The following SENP2 variants were observed in gnomAD, a reference collection of about 807,000 sequenced individuals.
The protein encoded by SENP2 is sentrin-specific protease 2.
Under a neutral mutation model 86.3 loss-of-function variants are expected in SENP2, and 16 were observed. The observed-to-expected ratio is 0.19, with a 90% confidence interval of 0.13 to 0.28. The LOEUF is 0.28. SENP2 is among the 10% of genes least tolerant of loss of function. The pLI, the probability that SENP2 is intolerant of heterozygous loss-of-function variation, is 1.00. For missense variants in SENP2, 552 were observed against 703.0 expected (o/e 0.79, Z 2.43); for synonymous variants, 222 against 238.7 (o/e 0.93, Z 0.64).
chr3:185,633,211 A>C lies in SENP2; in HGVS notation c.*3367A>C, dbSNP rs1420087910. 1 of 152,268 alleles carries C rather than the reference A, an allele frequency of 6.6e-6. No individual in the cohort carries two copies. Among genetic ancestry groups the C allele is most frequent in the Non-Finnish European group, 1.5e-5 (1 of 68,054 alleles). 9.4% of individuals were successfully genotyped at this position (152,268 alleles called of 1,614,324 possible). A position where few individuals can be genotyped will look rare whatever the true frequency, so the allele number is the denominator to read the frequency against. ...GGGCGGAATGTATCCTAGTAGAAAC[A>C]GTGAACCTCAGATATGAATAAATAA... is the stretch of plus-strand genomic sequence containing the variant. On this transcript the variant is annotated 3_prime_UTR_variant, in exon 17 of 17. Transcript: ENST00000296257.
intron 9 of SENP2, 39 bp downstream of exon 9, chr3:185,612,697 T>C (rs1161816097): frequency 2.1e-6 from 3 of 1,401,096 alleles, no homozygotes; most frequent in South Asian, 2.4e-5. Flanking sequence ...TCTTTTAATA[T>C]ATATTTTCTT....
intron 16 of SENP2, among the ~76,000 whole-genome samples, chr3:185,629,256 T>C (rs959177550): frequency 1.3e-5 from 2 of 152,170 alleles, no homozygotes; most frequent in Non-Finnish European, 2.9e-5. Flanking sequence ...ACATCCTGCT[T>C]TGGTTTTCCT....
At position 185,632,539 on chromosome 3, in the gene SENP2, T is replaced by G. The variant is rs1217945906; in HGVS notation, c.*2695T>G. ...CATGAGCCACCTCACCCAGCCTGTT[T>G]TTGAGACGGAGTTTCACTTTTGTCG... On this transcript the variant is annotated 3_prime_UTR_variant, in exon 17 of 17. Transcript: ENST00000296257. The G allele has an allele frequency of 2.1e-5, 3 of 143,820 alleles. No homozygotes were observed. The highest frequency in any genetic ancestry group is 4.5e-5 in the Non-Finnish European group (3 of 66,826). The allele number at this position is 143,820 out of a possible 1,614,324, so 8.9% of individuals were successfully genotyped here. A position where few individuals can be genotyped will look rare whatever the true frequency, so the allele number is the denominator to read the frequency against.
chr3:185,590,901 C>CTTTTTTT (rs1158491597), intron 2 of SENP2, among the ~76,000 whole-genome samples: 1 of 94,178 alleles, frequency 1.1e-5, no homozygotes, highest in East Asian at 3.9e-4. Flanking sequence ...AGAAAGTCTC[C>CTTTTTTT]TTTTTTTTTT....
Position 185,600,785 on chromosome 3 carries a change from A to G in SENP2, c.379A>G (p.Ile127Val). Residue 127 changes from isoleucine (I) to valine (V), a missense_variant, in exon 5 of 17, where the codon ATA becomes GTA. Physicochemically the swap from Ile to Val is conservative, Grantham distance 29. This residue lies in a region of SENP2 where 383 missense variants were observed against 427.3 expected (regional missense o/e 0.90). Transcript: ENST00000296257. ...LKLGNKSPNG[I>V]SDYPKIRVTV... ...AATAGGTAATAAATCTCCTAATGGA[A>G]TAAGTGACTATCCAAAGATCAGAGT... is the stretch of plus-strand genomic sequence containing the variant. 1 of 1,607,030 alleles carries G rather than the reference A, an allele frequency of 6.2e-7. No individual in the cohort carries two copies. The highest frequency in any genetic ancestry group is 1.3e-5 in the African/African-American group (1 of 74,910).
At chr3:185,604,993 A>T (rs1268546462) in intron 5 of SENP2, among the ~76,000 whole-genome samples, 2 of 149,058 alleles carry the variant, frequency 1.3e-5, no homozygotes, top group African/African-American at 4.9e-5. Flanking sequence ...TGACCTCGTG[A>T]TCCACCCGCC....
intron 2 of SENP2, among the ~76,000 whole-genome samples, chr3:185,590,577 T>G (rs1721945670): frequency 6.8e-6 from 1 of 146,654 alleles, no homozygotes; most frequent in Non-Finnish European, 1.5e-5. Flanking sequence ...AACTTAAGTC[T>G]CTTTCCTGGC....
At chr3:185,620,066 A>C (rs2034343) in intron 13 of SENP2, among the ~76,000 whole-genome samples, 3 of 143,262 alleles carry the variant, frequency 2.1e-5, no homozygotes, top group African/African-American at 7.7e-5. Flanking sequence ...TTTTTTTTTT[A>C]AATTTTTATT....
At chr3:185,624,206 TTTC>T in intron 15 of SENP2, 124 bp downstream of exon 15, 13 of 583,174 alleles carry the variant, frequency 2.2e-5, no homozygotes, top group Non-Finnish European at 3.2e-5. Flanking sequence ...CATCTTTTTT[TTTC>T]TTTCTTTCTT....
At chr3:185,626,050 C>G (rs1157765538) in intron 15 of SENP2, among the ~76,000 whole-genome samples, 1 of 152,194 alleles carries the variant, frequency 6.6e-6, no homozygotes, top group Admixed American at 6.5e-5. Context: ...GCAGTATTCA[C>G]AAGTTACATC....
At chr3:185,616,876 A>G (rs987358388) in intron 11 of SENP2, among the ~76,000 whole-genome samples, 2 of 151,214 alleles carry the variant, frequency 1.3e-5, no homozygotes, top group African/African-American at 4.9e-5. Flanking sequence ...ATCTTCTTCT[A>G]CCTTTTAATA....
At chr3:185,605,437 GAT>G (rs967036044) in intron 5 of SENP2, among the ~76,000 whole-genome samples, 1 of 151,660 alleles carries the variant, frequency 6.6e-6, no homozygotes, top group Non-Finnish European at 1.5e-5. Context: ...AATTAACACT[GAT>G]ATAATACTAT....
chr3:185,617,931 T>TTTTTTG (rs1459727837), intron 12 of SENP2, among the ~76,000 whole-genome samples: 1 of 151,806 alleles, frequency 6.6e-6, no homozygotes, highest in African/African-American at 2.4e-5. Flanking sequence ...TAGTAGCTAT[T>TTTTTTG]TTTTTGTTTT....
intron 12 of SENP2, among the ~76,000 whole-genome samples, chr3:185,618,873 C>T (rs961498870): frequency 4.6e-5 from 7 of 151,542 alleles, no homozygotes; most frequent in Admixed American, 3.3e-4. Flanking sequence ...GGCAAGACTC[C>T]GTCTCAAAAA....
At chr3:185,619,949 G>A (rs947802364) in intron 13 of SENP2, among the ~76,000 whole-genome samples, 1 of 151,860 alleles carries the variant, frequency 6.6e-6, no homozygotes, top group Non-Finnish European at 1.5e-5. Flanking sequence ...GCCCTGGTTG[G>A]TATCCAACGC....
chr3:185,627,166 A>C (rs1712189392), intron 16 of SENP2, among the ~76,000 whole-genome samples: 1 of 151,384 alleles, frequency 6.6e-6, no homozygotes, highest in African/African-American at 2.4e-5. Flanking sequence ...TACTCCTGCC[A>C]GAATCAGGGT....
In SENP2 at chr3:185,589,650, C is replaced by T. The variant is rs548629090; in HGVS notation, c.102-464C>T. On this transcript the variant is annotated intron_variant, in intron 1 of 16. Transcript: ENST00000296257. ...AGCCTACTATAGAATAGCATTCTCTCTTTTGTTTTGCTTTTATTTTTAGTT... is the reference window on the plus strand; with the variant it reads ...AGCCTACTATAGAATAGCATTCTCTTTTTTGTTTTGCTTTTATTTTTAGTT... 6.6e-5 allele frequency among the ~76,000 whole-genome samples: 10 copies of T among 152,262 alleles called. No homozygotes were observed. The South Asian group carries it at 2.1e-3, about 32-fold the overall frequency.
At chr3:185,596,029 C>G (rs1347528376) in intron 2 of SENP2, among the ~76,000 whole-genome samples, 10 of 152,012 alleles carry the variant, frequency 6.6e-5, no homozygotes, top group Admixed American at 6.6e-4. Flanking sequence ...ACAGTGGTGC[C>G]ATCTTGGTTC....
At chr3:185,626,274 C>G (rs1163450587) in intron 15 of SENP2, 24 bp from the exon 16 acceptor site, 1 of 1,500,544 alleles carries the variant, frequency 6.7e-7, no homozygotes, top group East Asian at 2.3e-5. Flanking sequence ...CCTTTCCTCT[C>G]TTCTTTTTTC....
Sources: allele counts gnomAD v4.1 joint callset (sites outside exome capture counted in the v4.1 genomes callset), GRCh38; gene constraint gnomAD v4.1.1; regional missense constraint gnomAD v4.1.1; transcripts MANE v1.5; gene names NCBI Gene and HGNC (gene_info 2026-07-23, HGNC 2026-07-21).